GALNT13: variants seen among roughly 807,000 people sequenced by gnomAD.
The protein encoded by GALNT13 is UDP-GalNAc:polypeptide N-acetylgalactosaminyltransferase 13.
A neutral mutation model predicts 64.2 loss-of-function variants in GALNT13; 28 were observed. The ratio of observed to expected loss-of-function variants is 0.44; its 90% CI spans 0.32 to 0.60. The LOEUF (loss-of-function observed/expected upper bound fraction) is 0.60. GALNT13 is among the 20% of genes least tolerant of loss of function. The pLI is 0.05. For missense variants in GALNT13, 577 were observed against 669.8 expected, an observed-to-expected ratio of 0.86 and a Z score of 1.53; for synonymous variants, 214 against 224.6, an observed-to-expected ratio of 0.95 and a Z score of 0.42.
chr2:154,202,733 C>A (rs1162262976), intron 4 of GALNT13, among the ~76,000 whole-genome samples: 2 of 152,016 alleles, frequency 1.3e-5, no homozygotes, highest in Non-Finnish European at 2.9e-5. Context: ...TAGGTCCAGT[C>A]TCTTTTGATA....
chr2:153,413,755 C>A, the GALNT13 span, among the ~76,000 whole-genome samples: 1 of 152,138 alleles, frequency 6.6e-6, no homozygotes, highest in Admixed American at 6.5e-5. Context: ...AGAAAAAGGT[C>A]ATTTTTCTGG....
the GALNT13 span, among the ~76,000 whole-genome samples, chr2:153,577,918 A>T: frequency 2.0e-4 from 30 of 150,876 alleles, no homozygotes; most frequent in South Asian, 8.3e-4. Flanking sequence ...ATATATATAT[A>T]TTTTTAAACA....
intron 9 of GALNT13, among the ~76,000 whole-genome samples, chr2:154,365,762 A>T (rs1559115621): frequency 6.6e-6 from 1 of 152,198 alleles, no homozygotes; most frequent in East Asian, 1.9e-4. Flanking sequence ...AATTAGATTG[A>T]TTAACTGACT....
the GALNT13 span, among the ~76,000 whole-genome samples, chr2:153,608,020 T>C: frequency 6.6e-6 from 1 of 152,054 alleles, no homozygotes; most frequent in African/African-American, 2.4e-5. Context: ...TTTCTCTCTG[T>C]TTTTCAAATG....
intron 8 of GALNT13, among the ~76,000 whole-genome samples, chr2:154,263,569 CTAAG>C (rs1479259789): frequency 6.6e-6 from 1 of 152,056 alleles, no homozygotes; most frequent in Admixed American, 6.6e-5. Flanking sequence ...TATAATTATA[CTAAG>C]TGTTAGTTGA....
rs566462187 is a variant in GALNT13, at chr2:154,133,730, G to C, written c.143-6607G>C. Among the ~76,000 whole-genome samples, 120 of 151,606 alleles carry C rather than the reference G, an allele frequency of 7.9e-4. 1 individual carries two copies. The highest frequency in any genetic ancestry group is 1.6e-3 in the Non-Finnish European group (106 of 67,928). On this transcript the variant is annotated intron_variant, in intron 3 of 12. Coordinates refer to ENST00000392825, the MANE Select transcript of GALNT13 (RefSeq NM_052917.4). ...TTGAATGCACAGTGGCAAGTACTGG[G>C]ATGAGCCAAAATTGATGCACAATGC...
the GALNT13 span, among the ~76,000 whole-genome samples, chr2:153,426,874 T>G: frequency 6.6e-6 from 1 of 152,038 alleles, no homozygotes; most frequent in Admixed American, 6.6e-5. Flanking sequence ...GAAAGTATTT[T>G]TATGTTTCAA....
intron 4 of GALNT13, among the ~76,000 whole-genome samples, chr2:154,232,701 A>G (rs1051278155): frequency 6.6e-6 from 1 of 152,010 alleles, no homozygotes; most frequent in Non-Finnish European, 1.5e-5. Flanking sequence ...TACTTAACTG[A>G]TTGGAACATC....
chr2:153,593,404 C>A, the GALNT13 span: 17 of 152,278 alleles, frequency 1.1e-4, no homozygotes, highest in Admixed American at 9.2e-4. Flanking sequence ...CACCCCCATC[C>A]CCCACAGCAG....
At chr2:154,267,251 C>G (rs907117595) in intron 8 of GALNT13, among the ~76,000 whole-genome samples, 1 of 152,052 alleles carries the variant, frequency 6.6e-6, no homozygotes, top group Non-Finnish European at 1.5e-5. Context: ...ACTTGTGTAA[C>G]CATTGATTAG....
the GALNT13 span, among the ~76,000 whole-genome samples, chr2:153,343,076 C>A: frequency 6.8e-4 from 103 of 152,264 alleles, no homozygotes; most frequent in Non-Finnish European, 1.1e-3. Context: ...AAATGTGTAA[C>A]GTTTGTCACT....
chr2:153,749,514 C>T, the GALNT13 span, among the ~76,000 whole-genome samples: 5 of 151,930 alleles, frequency 3.3e-5, no homozygotes, highest in Non-Finnish European at 7.4e-5. Context: ...CAATTTCTTT[C>T]TTCAGTGTTT....
At chr2:154,436,046 A>G (rs1239764230) in intron 11 of GALNT13, 2 of 152,168 alleles carry the variant, frequency 1.3e-5, no homozygotes, top group African/African-American at 4.8e-5. Context: ...AAGCATACAA[A>G]CGAGATTATT....
chr2:153,369,935 C>T, the GALNT13 span, among the ~76,000 whole-genome samples: 1 of 152,158 alleles, frequency 6.6e-6, no homozygotes, highest in African/African-American at 2.4e-5. Context: ...CCATGTAAGC[C>T]AGCCTCCTTA....
At chr2:153,619,644 C>T in the GALNT13 span, among the ~76,000 whole-genome samples, 1 of 151,986 alleles carries the variant, frequency 6.6e-6, no homozygotes, top group African/African-American at 2.4e-5. Flanking sequence ...TTAATGAAAC[C>T]CTTCAGCTTT....
chr2:153,607,717 GT>G, the GALNT13 span, among the ~76,000 whole-genome samples: 11 of 151,642 alleles, frequency 7.3e-5, no homozygotes, highest in African/African-American at 2.2e-4. Context: ...CTGTTTTTCT[GT>G]TTTTTTTAAA....
intron 8 of GALNT13, among the ~76,000 whole-genome samples, chr2:154,260,975 T>A (rs1690663926): frequency 6.6e-6 from 1 of 152,170 alleles, no homozygotes; most frequent in Non-Finnish European, 1.5e-5. Context: ...TTTCTGCCAA[T>A]GTACTCCTCT....
intron 12 of GALNT13, among the ~76,000 whole-genome samples, chr2:154,450,162 T>C (rs946453683): frequency 3.2e-4 from 49 of 152,170 alleles, no homozygotes; most frequent in African/African-American, 1.1e-3. Flanking sequence ...TGGCAATGCT[T>C]GATAAATGTC....
At chr2:153,258,826 T>C in the GALNT13 span, among the ~76,000 whole-genome samples, 1 of 152,352 alleles carries the variant, frequency 6.6e-6, no homozygotes, top group Admixed American at 6.5e-5. Flanking sequence ...GAGAAGATAC[T>C]TGATATAATT....
Sources: gnomAD v4.1 joint callset for allele counts (sites outside exome capture counted in the v4.1 genomes callset) on GRCh38, gnomAD v4.1.1 for gene constraint, MANE v1.5 for transcripts, NCBI Gene and HGNC (gene_info 2026-07-23, HGNC 2026-07-21) for gene names.